Variants in TMEM74 observed in about 807,000 individuals in gnomAD.
TMEM74 encodes transmembrane protein 74.
Under a neutral mutation model 18.1 loss-of-function variants are expected in TMEM74, and 13 were observed. The observed-to-expected ratio is 0.72, with a 90% CI of 0.47 to 1.14. TMEM74 has a LOEUF of 1.14. TMEM74 is among the 50% of genes most tolerant of loss of function. The pLI is 0.00. For synonymous variants in TMEM74, 159 were observed against 146.6 expected (o/e 1.08, Z -0.61); for missense variants, 372 against 375.9 (o/e 0.99, Z 0.09).
chr8:108,764,970 T>G (rs1436488738), intron 1 of TMEM74, among the ~76,000 whole-genome samples: 2 of 152,208 alleles, frequency 1.3e-5, no homozygotes, highest in Non-Finnish European at 2.9e-5. Context: ...CCACTCGCTA[T>G]ATCACATTTT....
At chr8:108,617,460 A>G (rs1465009404) in intron 2 of TMEM74, among the ~76,000 whole-genome samples, 2 of 152,106 alleles carry the variant, frequency 1.3e-5, no homozygotes, top group East Asian at 1.9e-4. Context: ...GGGTGTAGGA[A>G]GCCCCACTAC....
intron 1 of TMEM74, among the ~76,000 whole-genome samples, chr8:108,727,852 G>A (rs1813654536): frequency 6.6e-6 from 1 of 152,142 alleles, no homozygotes; most frequent in Non-Finnish European, 1.5e-5. Context: ...AGGAGACTGG[G>A]AAGTATCCAA....
At chr8:108,615,503 G>T (rs1269453850) in intron 2 of TMEM74, among the ~76,000 whole-genome samples, 4 of 152,262 alleles carry the variant, frequency 2.6e-5, no homozygotes, top group African/African-American at 9.6e-5. Context: ...CTACTCAACT[G>T]TAACTGTTTA....
intron 1 of TMEM74, among the ~76,000 whole-genome samples, chr8:108,768,234 C>T (rs1343139790): frequency 6.6e-6 from 1 of 152,112 alleles, no homozygotes; most frequent in Admixed American, 6.6e-5. Flanking sequence ...ATAATTCAAG[C>T]AATTTCCTTC....
At position 108,784,629 on chromosome 8, in the gene TMEM74, G is replaced by A; in HGVS notation, c.470C>T (p.Ser157Phe). 6.2e-7 allele frequency: 1 copy of A among 1,614,156 alleles called. No individual in the cohort carries two copies. The highest frequency in any genetic ancestry group is 8.5e-7 in the Non-Finnish European group (1 of 1,180,028). Residue 157 changes from serine (S) to phenylalanine (F), a missense_variant, in exon 2 of 2, where the codon TCT becomes TTT. Coordinates refer to ENST00000297459, the MANE Select transcript of TMEM74 (RefSeq NM_153015.3). ...WSQEAAISLI[S>F]EEEDDTSSEA... ...TGAACTTGTATCATCCTCCTCTTCA[G>A]ATATCAAAGATATGGCAGCCTCTTG...
chr8:108,745,470 T>G (rs1001962955), intron 1 of TMEM74, among the ~76,000 whole-genome samples: 2 of 152,206 alleles, frequency 1.3e-5, no homozygotes, highest in Non-Finnish European at 2.9e-5. Flanking sequence ...CCTAAGCATT[T>G]ACATATGTAA....
intron 1 of TMEM74, among the ~76,000 whole-genome samples, chr8:108,716,011 A>G (rs1813520346): frequency 6.6e-6 from 1 of 152,132 alleles, no homozygotes; most frequent in Non-Finnish European, 1.5e-5. Flanking sequence ...TATATGGCAA[A>G]TGACATAGTA....
chr8:108,743,714 T>C (rs1284762732), intron 1 of TMEM74, among the ~76,000 whole-genome samples: 1 of 152,182 alleles, frequency 6.6e-6, no homozygotes, highest in African/African-American at 2.4e-5. Context: ...GTCTAACTGG[T>C]GATTTTTAAA....
chr8:108,706,911 G>A (rs1437915941), intron 1 of TMEM74, among the ~76,000 whole-genome samples: 1 of 151,988 alleles, frequency 6.6e-6, no homozygotes, highest in Non-Finnish European at 1.5e-5. Context: ...GCAGTAGATG[G>A]ATAGAGAATG....
intron 2 of TMEM74, among the ~76,000 whole-genome samples, chr8:108,649,430 CTT>C (rs1812751258): frequency 6.6e-6 from 1 of 152,018 alleles, no homozygotes; most frequent in Non-Finnish European, 1.5e-5. Context: ...AACAATAACT[CTT>C]ATTTATTGTT....
intron 1 of TMEM74, among the ~76,000 whole-genome samples, chr8:108,759,583 G>A (rs1022307300): frequency 1.3e-5 from 2 of 152,046 alleles, no homozygotes; most frequent in Non-Finnish European, 2.9e-5. Flanking sequence ...AAAGATCCTT[G>A]ATATAAACTG....
At position 108,695,138 on chromosome 8, in the gene TMEM74, C is replaced by A. The variant is rs528265555; in HGVS notation, n.120-39701G>T. Among the ~76,000 whole-genome samples the A allele has an allele frequency of 4.6e-5, 7 of 152,018 alleles. 1 individual carries two copies. The highest frequency in any genetic ancestry group is 1.4e-4 in the African/African-American group (6 of 41,556). ...AGAGGTCAGCACCAGCTGGCATGAG[C>A]TGCAACAGCAACAGTGCTTTGTGCT... On this transcript the variant is annotated intron_variant and non_coding_transcript_variant, in intron 1 of 3. Transcript: ENST00000518838.
intron 1 of TMEM74, among the ~76,000 whole-genome samples, chr8:108,672,738 T>G (rs1813015778): frequency 2.6e-5 from 4 of 152,218 alleles, no homozygotes; most frequent in Admixed American, 2.6e-4. Flanking sequence ...CTCAGATCTC[T>G]CTGAAGGAGA....
chr8:108,662,972 A>G (rs1174394409), intron 1 of TMEM74, among the ~76,000 whole-genome samples: 1 of 152,128 alleles, frequency 6.6e-6, no homozygotes, highest in East Asian at 1.9e-4. Flanking sequence ...TGATGCCTCC[A>G]GGTTTGTTGT....
At chr8:108,756,580 G>T (rs1387683149) in intron 1 of TMEM74, among the ~76,000 whole-genome samples, 4 of 111,660 alleles carry the variant, frequency 3.6e-5, no homozygotes, top group Non-Finnish European at 7.1e-5. Flanking sequence ...AAGAAAGAAA[G>T]AAAGAAAGAA....
chr8:108,779,438 C>T lies in TMEM74; in HGVS notation c.*4743G>A, dbSNP rs1375086405. Among the ~76,000 whole-genome samples, 2 of 152,060 alleles carry T rather than the reference C, an allele frequency of 1.3e-5. No homozygotes were observed. The highest frequency in any genetic ancestry group is 4.8e-5 in the African/African-American group (2 of 41,410). On this transcript the variant is annotated 3_prime_UTR_variant, in exon 2 of 2. Transcript: ENST00000297459. Reference sequence around the variant, plus strand: ...CCCAAATTTGAAACAAAGGAATATACTCCCCATAGTCCCCTGAAATAAAAT... The same window carrying T: ...CCCAAATTTGAAACAAAGGAATATATTCCCCATAGTCCCCTGAAATAAAAT...
chr8:108,656,712 C>T (rs902363430), intron 1 of TMEM74, among the ~76,000 whole-genome samples: 1 of 152,138 alleles, frequency 6.6e-6, no homozygotes, highest in Non-Finnish European at 1.5e-5. Flanking sequence ...CTTAGAATTC[C>T]TGTGGTCACA....
At chr8:108,685,972 G>T (rs1813163515) in intron 1 of TMEM74, among the ~76,000 whole-genome samples, 1 of 151,846 alleles carries the variant, frequency 6.6e-6, no homozygotes, top group African/African-American at 2.4e-5. Flanking sequence ...ATATAATAAA[G>T]CCTGAATAAA....
At chr8:108,769,408 A>G (rs1405401184) in intron 1 of TMEM74, among the ~76,000 whole-genome samples, 2 of 152,026 alleles carry the variant, frequency 1.3e-5, no homozygotes, top group Non-Finnish European at 2.9e-5. Context: ...CAGCAAGCGC[A>G]CTTTTCCTTC....
Sources: gnomAD v4.1 joint callset for allele counts (sites outside exome capture counted in the v4.1 genomes callset) on GRCh38, gnomAD v4.1.1 for gene constraint, MANE v1.5 for transcripts, NCBI Gene and HGNC (gene_info 2026-07-23, HGNC 2026-07-21) for gene names.